Variants in CNGB3 observed in about 807,000 individuals in gnomAD.
CNGB3 encodes the protein cyclic nucleotide gated channel subunit beta 3, also known as cyclic nucleotide-gated channel beta-3.
In CNGB3, 86 loss-of-function variants were observed where a neutral mutation model predicts 92.8. The observed-to-expected ratio is 0.93, with a 90% CI of 0.78 to 1.11. CNGB3 has a LOEUF of 1.11. Ranked by LOEUF, CNGB3 falls within the 50% of genes least tolerant of loss-of-function variation. CNGB3 has a pLI of 0.00. For missense variants in CNGB3, 1,026 were observed against 956.8 expected (o/e 1.07, Z -0.95); for synonymous variants, 333 against 332.7 (o/e 1.00, Z -0.01).
In CNGB3 at chr8:86,586,334, TTA is replaced by T. The variant is rs928995810; in HGVS notation, c.1782-7084_1782-7083del. 5.6e-3 allele frequency among the ~76,000 whole-genome samples: 467 copies of T among 82,798 alleles called. 4 individuals are homozygous for T. Among genetic ancestry groups the T allele is most frequent in the African/African-American group, 0.012 (408 of 35,420 alleles). 54.3% of individuals were successfully genotyped at this position (82,798 alleles called of 152,430 possible). On this transcript the variant is annotated intron_variant, in intron 15 of 17. Coordinates refer to ENST00000320005, the MANE Select transcript of CNGB3 (RefSeq NM_019098.5). Reference sequence around the variant, plus strand: ...TAACATTAATAGATAATATTTTTTTTTAAATTTTTTTTTAATTATACTTTAAG... The same window carrying T: ...TAACATTAATAGATAATATTTTTTTTAATTTTTTTTTAATTATACTTTAAG...
intron 14 of CNGB3, among the ~76,000 whole-genome samples, chr8:86,605,302 A>G (rs1456364127): frequency 2.6e-5 from 4 of 152,222 alleles, no homozygotes; most frequent in Non-Finnish European, 4.4e-5. Flanking sequence ...TCTAACTTCC[A>G]AAAAGAATAG....
At chr8:86,610,177 T>C (rs1822491552) in intron 14 of CNGB3, among the ~76,000 whole-genome samples, 1 of 152,152 alleles carries the variant, frequency 6.6e-6, no homozygotes, top group Admixed American at 6.6e-5. Flanking sequence ...CCCAGACGTC[T>C]TCATTCAGGT....
chr8:86,699,647 G>T (rs968801249), intron 3 of CNGB3, among the ~76,000 whole-genome samples: 2 of 152,162 alleles, frequency 1.3e-5, no homozygotes, highest in Non-Finnish European at 2.9e-5. Context: ...AGGAAAAACT[G>T]CTGAAAGCTT....
intron 1 of CNGB3, 89 bp downstream of exon 1, chr8:86,743,410 A>T (rs1825374593): frequency 1.3e-6 from 2 of 1,495,040 alleles, no homozygotes; most frequent in South Asian, 2.3e-5. Context: ...AAACTACTAA[A>T]CAATCATATA....
chr8:86,601,749 G>A (rs1822307800), intron 15 of CNGB3, among the ~76,000 whole-genome samples: 2 of 152,166 alleles, frequency 1.3e-5, no homozygotes, highest in South Asian at 4.1e-4. Flanking sequence ...TCTGGAAAGA[G>A]GCAGATGCAT....
intron 2 of CNGB3, among the ~76,000 whole-genome samples, chr8:86,738,562 G>C (rs1825285048): frequency 6.6e-6 from 1 of 152,258 alleles, no homozygotes; most frequent in Admixed American, 6.5e-5. Flanking sequence ...GAAGTGGGCC[G>C]GGCGCGGTGG....
At chr8:86,592,912 C>G (rs930896582) in intron 15 of CNGB3, among the ~76,000 whole-genome samples, 36 of 152,144 alleles carry the variant, frequency 2.4e-4, no homozygotes, top group African/African-American at 8.2e-4. Flanking sequence ...TTATTCCTTG[C>G]AACTTTAAAA....
chr8:86,655,474 C>G (rs1823487258), intron 6 of CNGB3, among the ~76,000 whole-genome samples: 1 of 152,154 alleles, frequency 6.6e-6, no homozygotes, highest in African/African-American at 2.4e-5. Context: ...CCCATGCTGT[C>G]CCAGAGCTCA....
intron 6 of CNGB3, chr8:86,658,993 C>T: frequency 1.9e-6 from 2 of 1,049,336 alleles, no homozygotes; most frequent in Non-Finnish European, 1.5e-6. Flanking sequence ...AGCTGTCCTG[C>T]CAGACCCTCC....
chr8:86,682,106 T>C (rs1045442660), intron 3 of CNGB3, among the ~76,000 whole-genome samples: 3 of 152,188 alleles, frequency 2.0e-5, no homozygotes, highest in African/African-American at 7.2e-5. Flanking sequence ...AGATATTTAG[T>C]ATAGGCCTTG....
rs532884188 is a variant in CNGB3 at position 86,706,987 on chromosome 8, C to CT, written c.338+19543dup. 4.0e-3 allele frequency among the ~76,000 whole-genome samples: 610 copies of CT among 152,214 alleles called. 2 individuals are homozygous for CT. Among genetic ancestry groups the CT allele is most frequent in the African/African-American group, 0.014 (575 of 41,540 alleles). ...AAATATTATAAAATCAGACATGAAG[C>CT]TTGATCAAATAAATGTATTCATGGA... On this transcript the variant is annotated intron_variant, in intron 3 of 17. Coordinates refer to ENST00000320005, the MANE Select transcript of CNGB3 (RefSeq NM_019098.5).
At chr8:86,581,925 A>G (rs1053704351) in intron 15 of CNGB3, among the ~76,000 whole-genome samples, 1 of 152,160 alleles carries the variant, frequency 6.6e-6, no homozygotes, top group African/African-American at 2.4e-5. Flanking sequence ...GTCCTAGCCA[A>G]ATTAGTATAA....
At chr8:86,646,970 C>T (rs192506189) in intron 8 of CNGB3, among the ~76,000 whole-genome samples, 8 of 151,254 alleles carry the variant, frequency 5.3e-5, no homozygotes, top group Admixed American at 4.0e-4. Context: ...GATTTTCCTT[C>T]CTGCTTTCCC....
chr8:86,602,815 G>C (rs950240682), intron 15 of CNGB3, among the ~76,000 whole-genome samples: 3 of 152,084 alleles, frequency 2.0e-5, no homozygotes, highest in Admixed American at 6.6e-5. Flanking sequence ...TAATAATTCA[G>C]AGTGTGTCAT....
chr8:86,585,047 T>C (rs901415985), intron 15 of CNGB3, among the ~76,000 whole-genome samples: 5 of 152,180 alleles, frequency 3.3e-5, no homozygotes, highest in African/African-American at 1.2e-4. Context: ...GTACCTACTA[T>C]AGGTATCTGA....
At chr8:86,690,991 G>A (rs1202353548) in intron 3 of CNGB3, among the ~76,000 whole-genome samples, 4 of 152,200 alleles carry the variant, frequency 2.6e-5, no homozygotes, top group African/African-American at 7.2e-5. Context: ...GTCAGGTAGT[G>A]TGATGCCTTC....
chr8:86,720,445 T>C lies in CNGB3; in HGVS notation c.338+6086A>G, dbSNP rs943226823. 2.0e-5 allele frequency among the ~76,000 whole-genome samples: 3 copies of C among 152,000 alleles called. 1 individual carries two copies. In the South Asian group the frequency reaches 6.2e-4, roughly 31 times the overall value. ...AGGGAAATGCAAATCAAAACCACAA[T>C]GCAATACCACCTCACTCCTGCAATA... On this transcript the variant is annotated intron_variant, in intron 3 of 17. Coordinates refer to ENST00000320005, the MANE Select transcript of CNGB3 (RefSeq NM_019098.5).
chr8:86,619,194 A>C (rs61180710), intron 13 of CNGB3, among the ~76,000 whole-genome samples: 14,769 of 152,232 alleles, frequency 0.097, 2,037 homozygotes, highest in African/African-American at 0.31. Context: ...TAGGTGGCGC[A>C]ACAGAACTTT....
intron 2 of CNGB3, among the ~76,000 whole-genome samples, chr8:86,727,389 CATT>C (rs1825079495): frequency 6.6e-6 from 1 of 152,046 alleles, no homozygotes; most frequent in Non-Finnish European, 1.5e-5. Context: ...ATGTGATTGA[CATT>C]ATTTAGCACT....
Sources: allele counts gnomAD v4.1 joint callset (sites outside exome capture counted in the v4.1 genomes callset), GRCh38; gene constraint gnomAD v4.1.1; transcripts MANE v1.5; gene names NCBI Gene and HGNC (gene_info 2026-07-23, HGNC 2026-07-21).